The following RAD51B variants were observed in gnomAD, a reference collection of about 807,000 sequenced individuals.
RAD51B encodes the protein DNA repair protein RAD51 homolog 2.
Under a neutral mutation model 42.2 loss-of-function variants are expected in RAD51B, and 38 were observed. The observed-to-expected ratio is 0.90, with a 90% CI of 0.70 to 1.18. The LOEUF (loss-of-function observed/expected upper bound fraction) is 1.18, where lower values mean the gene tolerates loss of function less well. Ranked by LOEUF, RAD51B falls within the 50% of genes most tolerant of loss-of-function variation. The pLI, the probability that RAD51B is intolerant of heterozygous loss-of-function variation, is 0.00. For synonymous variants in RAD51B, 154 were observed against 145.2 expected (o/e 1.06, Z -0.43); for missense variants, 373 against 400.7 (o/e 0.93, Z 0.59).
At chr14:68,134,698 T>A (rs1008126921) in intron 7 of RAD51B, among the ~76,000 whole-genome samples, 1 of 152,196 alleles carries the variant, frequency 6.6e-6, no homozygotes, top group Non-Finnish European at 1.5e-5. Flanking sequence ...TTTTCATGTG[T>A]TTACTTGCCA....
chr14:67,869,481 G>T (rs547573778), intron 5 of RAD51B, among the ~76,000 whole-genome samples: 198 of 152,250 alleles, frequency 1.3e-3, no homozygotes, highest in African/African-American at 4.6e-3. Flanking sequence ...GAAAGTGACG[G>T]GGAGAATGGA....
intron 10 of RAD51B, among the ~76,000 whole-genome samples, chr14:68,545,144 G>A (rs892167564): frequency 1.3e-5 from 2 of 152,186 alleles, no homozygotes; most frequent in African/African-American, 4.8e-5. Flanking sequence ...ATGGATAAGG[G>A]CATATCTTTG....
intron 4 of RAD51B, among the ~76,000 whole-genome samples, chr14:67,860,281 A>G (rs1310029048): frequency 3.3e-5 from 5 of 152,322 alleles, no homozygotes; most frequent in South Asian, 2.1e-4. Flanking sequence ...TAGTAGCTAT[A>G]TTTTGTTTCA....
At chr14:68,232,653 T>G (rs1316014) in intron 7 of RAD51B, among the ~76,000 whole-genome samples, 26,604 of 152,114 alleles carry the variant, frequency 0.17, 2,485 homozygotes, top group Middle Eastern at 0.36. Context: ...ACAGCCAGAG[T>G]CAGCAGACAT....
At chr14:68,056,866 G>C (rs925699735) in intron 7 of RAD51B, among the ~76,000 whole-genome samples, 1 of 151,938 alleles carries the variant, frequency 6.6e-6, no homozygotes, top group Non-Finnish European at 1.5e-5. Context: ...ATCACCTGAG[G>C]TCAGGAGTTC....
At chr14:68,606,215 A>T (rs1204849905) in intron 10 of RAD51B, among the ~76,000 whole-genome samples, 1 of 152,070 alleles carries the variant, frequency 6.6e-6, no homozygotes, top group East Asian at 1.9e-4. Flanking sequence ...GCTCCATCTC[A>T]CCTTCACCAG....
intron 7 of RAD51B, among the ~76,000 whole-genome samples, chr14:68,059,276 A>C (rs188149427): frequency 6.6e-6 from 1 of 152,292 alleles, no homozygotes. Context: ...TCCCTTCTGT[A>C]ATTCCTTCTC....
chr14:68,503,769 C>G (rs149307572), intron 10 of RAD51B, among the ~76,000 whole-genome samples: 1 of 152,154 alleles, frequency 6.6e-6, no homozygotes. Context: ...GCTGAACACA[C>G]GCAGGCCTCT....
chr14:68,015,943 A>G (rs565441411), intron 7 of RAD51B, among the ~76,000 whole-genome samples: 22 of 152,282 alleles, frequency 1.4e-4, no homozygotes, highest in Non-Finnish European at 2.4e-4. Flanking sequence ...TGGCATCCCT[A>G]TATCATTTTG....
At chr14:67,878,082 T>C (rs2042786170) in intron 5 of RAD51B, among the ~76,000 whole-genome samples, 1 of 152,202 alleles carries the variant, frequency 6.6e-6, no homozygotes, top group Admixed American at 6.5e-5. Context: ...CCTAATATAG[T>C]TATAGTTTTA....
intron 10 of RAD51B, among the ~76,000 whole-genome samples, chr14:68,646,826 C>A (rs769684241): frequency 2.6e-5 from 4 of 152,200 alleles, no homozygotes; most frequent in Non-Finnish European, 5.9e-5. Context: ...TGAATAAAAT[C>A]TCTTCCTTCA....
chr14:68,011,913 G>T (rs2075690659), intron 7 of RAD51B, among the ~76,000 whole-genome samples: 1 of 151,980 alleles, frequency 6.6e-6, no homozygotes, highest in Admixed American at 6.6e-5. Context: ...ACATTTTCTT[G>T]CAAAGCATCG....
intron 10 of RAD51B, among the ~76,000 whole-genome samples, chr14:68,586,149 T>C (rs576726216): frequency 6.6e-6 from 1 of 152,256 alleles, no homozygotes; most frequent in African/African-American, 2.4e-5. Flanking sequence ...TCTCCGAGGC[T>C]GGCACGGAGA....
At chr14:68,185,450 A>G (rs1456195345) in intron 7 of RAD51B, among the ~76,000 whole-genome samples, 1 of 152,222 alleles carries the variant, frequency 6.6e-6, no homozygotes, top group Admixed American at 6.5e-5. Flanking sequence ...ATAACTAAAG[A>G]TTATTTGCTG....
chr14:68,290,761 G>A (rs1331103839), intron 7 of RAD51B, among the ~76,000 whole-genome samples: 1 of 151,748 alleles, frequency 6.6e-6, no homozygotes, highest in African/African-American at 2.4e-5. Flanking sequence ...AAGCAAAGAA[G>A]CCACAGGCAT....
chr14:68,648,674 AACACACACACAC>A (rs35200852), intron 10 of RAD51B, among the ~76,000 whole-genome samples: 8,094 of 143,698 alleles, frequency 0.056, 302 homozygotes, highest in Middle Eastern at 0.1. Context: ...AAAGCACACA[AACACACACACAC>A]ACACACACAC....
intron 7 of RAD51B, among the ~76,000 whole-genome samples, chr14:68,210,333 C>G (rs2079680699): frequency 6.6e-6 from 1 of 152,120 alleles, no homozygotes; most frequent in African/African-American, 2.4e-5. Flanking sequence ...AATGGGATGA[C>G]AATTTTTATA....
intron 8 of RAD51B, among the ~76,000 whole-genome samples, chr14:68,398,470 G>T (rs995536221): frequency 6.6e-6 from 1 of 152,162 alleles, no homozygotes; most frequent in African/African-American, 2.4e-5. Flanking sequence ...AGGTCAAGGA[G>T]CAAGACTGAG....
chr14:67,845,598 G>A, intron 4 of RAD51B, among the ~76,000 whole-genome samples: 1 of 152,070 alleles, frequency 6.6e-6, no homozygotes, highest in East Asian at 1.9e-4. Flanking sequence ...GGCCCAGGAG[G>A]TCATTGCTGC....
Sources: gnomAD v4.1 joint callset for allele counts (sites outside exome capture counted in the v4.1 genomes callset) on GRCh38, gnomAD v4.1.1 for gene constraint, MANE v1.5 for transcripts, NCBI Gene and HGNC (gene_info 2026-07-23, HGNC 2026-07-21) for gene names.